PSPC1: variants seen among roughly 807,000 people sequenced by gnomAD.
PSPC1 encodes the protein paraspeckle protein 1.
PSPC1 carries 14 observed loss-of-function variants against 51.6 expected under a neutral mutation model. The observed-to-expected ratio is 0.27, with a 90% CI of 0.18 to 0.42. PSPC1 has a LOEUF of 0.42. Ranked by LOEUF, PSPC1 falls within the 10% of genes least tolerant of loss-of-function variation. The pLI is 1.00. For synonymous variants in PSPC1, 193 were observed against 231.9 expected, an observed-to-expected ratio of 0.83 and a Z score of 1.53; for missense variants, 406 against 701.1, an observed-to-expected ratio of 0.58 and a Z score of 4.75.
chr13:19,673,353 G>A (rs993488950), downstream of PSPC1: 29 of 292,230 alleles, frequency 9.9e-5, no homozygotes, highest in South Asian at 9.3e-4. Flanking sequence ...CAGAATTCAC[G>A]TTTGTGTAGA....
At chr13:19,698,789 A>G (rs1380903270), downstream of PSPC1, among the ~76,000 whole-genome samples, 1 of 151,938 alleles carries the variant, frequency 6.6e-6, no homozygotes, top group Non-Finnish European at 1.5e-5. Flanking sequence ...GAAGCCATAA[A>G]ATTTTCTTGA....
chr13:19,700,855 A>C (rs1408661829), downstream of PSPC1, among the ~76,000 whole-genome samples: 1 of 152,134 alleles, frequency 6.6e-6, no homozygotes, highest in African/African-American at 2.4e-5. Context: ...TTTTGTATCT[A>C]CCACTTTTAA....
chr13:19,702,165 T>C (rs1290704435), downstream of PSPC1, among the ~76,000 whole-genome samples: 1 of 152,152 alleles, frequency 6.6e-6, no homozygotes, highest in Non-Finnish European at 1.5e-5. Context: ...CCACTGCCAT[T>C]CCTTGGAGAC....
intron 8 of PSPC1, among the ~76,000 whole-genome samples, chr13:19,704,295 T>C (rs1388203645): frequency 1.9e-4 from 29 of 152,288 alleles, no homozygotes; most frequent in African/African-American, 6.0e-4. Flanking sequence ...CATCTGTTCA[T>C]AGTAGCCGTG....
downstream of PSPC1, chr13:19,673,604 TAGC>T (rs1296089881): frequency 6.0e-6 from 1 of 167,346 alleles, no homozygotes; most frequent in Non-Finnish European, 1.3e-5. Context: ...GGATTTGAAT[TAGC>T]AGCAGTGCAG....
At chr13:19,772,971 G>A (rs1394699476) in intron 1 of PSPC1, among the ~76,000 whole-genome samples, 1 of 152,016 alleles carries the variant, frequency 6.6e-6, no homozygotes, top group African/African-American at 2.4e-5. Context: ...AGACCAGCCT[G>A]GCCAACAGGG....
chr13:19,725,055 T>G (rs1883215198), intron 6 of PSPC1, among the ~76,000 whole-genome samples: 1 of 152,052 alleles, frequency 6.6e-6, no homozygotes, highest in African/African-American at 2.4e-5. Flanking sequence ...CGCGTGCCTG[T>G]AATCCCAGAT....
chr13:19,766,804 G>A (rs1432991862), intron 2 of PSPC1, among the ~76,000 whole-genome samples: 3 of 151,734 alleles, frequency 2.0e-5, no homozygotes, highest in African/African-American at 4.8e-5. Flanking sequence ...GCAACGAGCT[G>A]TGATAATGCC....
chr13:19,732,753 C>A (rs536602820), intron 5 of PSPC1, among the ~76,000 whole-genome samples: 11 of 152,030 alleles, frequency 7.2e-5, no homozygotes, highest in Admixed American at 2.0e-4. Flanking sequence ...ATGGTAAAAC[C>A]CTGTCTCTAC....
At chr13:19,724,398 G>C (rs1316247515) in intron 6 of PSPC1, among the ~76,000 whole-genome samples, 1 of 152,072 alleles carries the variant, frequency 6.6e-6, no homozygotes, top group Non-Finnish European at 1.5e-5. Context: ...TATGATTAAA[G>C]CAAGAGATGA....
At chr13:19,679,662 G>A (rs1877059162) in intron 6 of PSPC1, among the ~76,000 whole-genome samples, 1 of 152,170 alleles carries the variant, frequency 6.6e-6, no homozygotes, top group African/African-American at 2.4e-5. Flanking sequence ...TATACAGGAG[G>A]ATGTACATGG....
chr13:19,747,229 A>G (rs1389885015), intron 4 of PSPC1, among the ~76,000 whole-genome samples: 1 of 152,244 alleles, frequency 6.6e-6, no homozygotes, highest in Non-Finnish European at 1.5e-5. Context: ...AGGATGAACT[A>G]AACTAATTGT....
intron 1 of PSPC1, among the ~76,000 whole-genome samples, chr13:19,774,826 A>T (rs1177485871): frequency 1.3e-5 from 2 of 150,828 alleles, no homozygotes; most frequent in South Asian, 4.2e-4. Flanking sequence ...AAACAAAAAA[A>T]AAAAAGAAAA....
At chr13:19,740,168 A>G (rs902792568) in intron 5 of PSPC1, among the ~76,000 whole-genome samples, 3 of 151,886 alleles carry the variant, frequency 2.0e-5, no homozygotes, top group Non-Finnish European at 4.4e-5. Context: ...ACATGGAGAA[A>G]CCCCGTCTCT....
chr13:19,737,820 C>T (rs1377845415), intron 5 of PSPC1, among the ~76,000 whole-genome samples: 1 of 152,118 alleles, frequency 6.6e-6, no homozygotes, highest in Non-Finnish European at 1.5e-5. Flanking sequence ...CATGGTGGCA[C>T]ATGCCTGTAA....
chr13:19,770,680 C>T (rs186712369), intron 2 of PSPC1, among the ~76,000 whole-genome samples: 12 of 151,954 alleles, frequency 7.9e-5, no homozygotes, highest in African/African-American at 2.2e-4. Flanking sequence ...CCCAACTACT[C>T]GGGAGGCTGA....
At chr13:19,741,544 C>G (rs1468095435) in intron 5 of PSPC1, 21 bp downstream of exon 5, 1 of 1,500,428 alleles carries the variant, frequency 6.7e-7, no homozygotes, top group South Asian at 1.2e-5. Flanking sequence ...ATTCATGTTT[C>G]TTAAAATGAT....
intron 6 of PSPC1, among the ~76,000 whole-genome samples, chr13:19,690,867 G>T (rs1295774382): frequency 1.3e-5 from 2 of 151,982 alleles, no homozygotes; most frequent in African/African-American, 2.4e-5. Flanking sequence ...CTATTTACTC[G>T]TCCTCCCTGC....
chr13:19,677,847 T>G (rs1448093044), intron 6 of PSPC1: 2 of 476,748 alleles, frequency 4.2e-6, no homozygotes, highest in African/African-American at 1.9e-5. Flanking sequence ...GAAATCAGAT[T>G]CAGCCTTTTT....
Sources: allele counts gnomAD v4.1 joint callset (sites outside exome capture counted in the v4.1 genomes callset), GRCh38; gene constraint gnomAD v4.1.1; transcripts MANE v1.5; gene names NCBI Gene and HGNC (gene_info 2026-07-23, HGNC 2026-07-21).